STIM2: variants seen among roughly 807,000 people sequenced by gnomAD.
STIM2 encodes stromal interaction molecule 2.
In STIM2, 31 loss-of-function variants were observed where a neutral mutation model predicts 85.8. The ratio of observed to expected loss-of-function variants is 0.36; its 90% CI spans 0.27 to 0.49. The LOEUF (loss-of-function observed/expected upper bound fraction) is 0.49, where lower values mean the gene tolerates loss of function less well. Among genes scored for constraint, STIM2 ranks in the 20% least tolerant of loss-of-function variants. The pLI, the probability that STIM2 is intolerant of heterozygous loss-of-function variation, is 0.98. For missense variants in STIM2, 841 were observed against 927.6 expected, an observed-to-expected ratio of 0.91 and a Z score of 1.21; for synonymous variants, 356 against 331.1, an observed-to-expected ratio of 1.08 and a Z score of -0.82.
At chr4:26,910,724 A>G (rs1375297598) in intron 1 of STIM2, among the ~76,000 whole-genome samples, 3 of 152,186 alleles carry the variant, frequency 2.0e-5, no homozygotes, top group South Asian at 2.1e-4. Flanking sequence ...AATGAATTGC[A>G]TATTAATAAG....
chr4:26,873,882 C>T lies in STIM2; in HGVS notation c.151+12513C>T, dbSNP rs1265100079. ...ATCCGGGCAGAGAGGCAGTGATGCT[C>T]CTTCTCCCAGGGGTCTGCGGCTGAG... is the stretch of plus-strand genomic sequence containing the variant. On this transcript the variant is annotated intron_variant, in intron 1 of 11. Transcript: ENST00000467087. 6.1e-6 allele frequency: 8 copies of T among 1,310,200 alleles called. No homozygotes were observed. The African/African-American group carries it at 8.7e-5, about 14-fold the overall frequency. The allele number at this position is 1,310,200 out of a possible 1,614,324, so 81.2% of individuals were successfully genotyped here. A position where few individuals can be genotyped will look rare whatever the true frequency, so the allele number is the denominator to read the frequency against.
intron 2 of STIM2, among the ~76,000 whole-genome samples, chr4:26,936,237 T>C (rs533468602): frequency 6.6e-6 from 1 of 152,244 alleles, no homozygotes; most frequent in Non-Finnish European, 1.5e-5. Flanking sequence ...TTAGTACTTA[T>C]GTCCTTATGT....
chr4:26,877,605 A>T (rs548928785), intron 1 of STIM2, among the ~76,000 whole-genome samples: 2 of 151,294 alleles, frequency 1.3e-5, no homozygotes, highest in East Asian at 3.9e-4. Context: ...CCTCTGTCAC[A>T]CTGTTGGTAT....
chr4:26,908,707 C>CT (rs1291182242), intron 1 of STIM2, among the ~76,000 whole-genome samples: 6 of 152,202 alleles, frequency 3.9e-5, no homozygotes, highest in Non-Finnish European at 8.8e-5. Context: ...TGGTGTCGAA[C>CT]TTCTGACCTC....
At chr4:26,892,338 C>T (rs1484788441) in intron 1 of STIM2, among the ~76,000 whole-genome samples, 1 of 152,184 alleles carries the variant, frequency 6.6e-6, no homozygotes, top group Admixed American at 6.5e-5. Context: ...CTAGTGAGGG[C>T]ACTCTTCTGT....
chr4:26,941,741 A>G (rs1725618972), intron 2 of STIM2, among the ~76,000 whole-genome samples: 1 of 151,818 alleles, frequency 6.6e-6, no homozygotes, highest in Non-Finnish European at 1.5e-5. Flanking sequence ...AAAGGTAAGT[A>G]TCTTTTTAAT....
intron 3 of STIM2, among the ~76,000 whole-genome samples, chr4:26,974,333 G>A (rs1386160413): frequency 1.3e-5 from 2 of 152,194 alleles, no homozygotes; most frequent in African/African-American, 4.8e-5. Context: ...TAGCCTTGAT[G>A]GTCTTTACAA....
At chr4:26,937,781 A>G (rs1431234588) in intron 2 of STIM2, among the ~76,000 whole-genome samples, 2 of 152,130 alleles carry the variant, frequency 1.3e-5, no homozygotes, top group Non-Finnish European at 2.9e-5. Flanking sequence ...ACTTACCTTT[A>G]TCTTTGTCTT....
intron 3 of STIM2, among the ~76,000 whole-genome samples, chr4:26,983,439 G>A (rs989932231): frequency 2.0e-5 from 3 of 152,176 alleles, no homozygotes; most frequent in African/African-American, 7.2e-5. Flanking sequence ...GTTGGAAAAT[G>A]TTATATACCA....
intron 3 of STIM2, among the ~76,000 whole-genome samples, chr4:26,976,704 T>C (rs1374662078): frequency 1.3e-5 from 2 of 151,958 alleles, no homozygotes; most frequent in African/African-American, 4.8e-5. Flanking sequence ...CTCGAGAGGC[T>C]GAGGCACGAG....
rs1442021899 is a variant in STIM2, at chr4:27,023,005, A to G, written c.*9A>G. 1 of 1,604,216 alleles carries G rather than the reference A, an allele frequency of 6.2e-7. No individual in the cohort carries two copies. Among genetic ancestry groups the G allele is most frequent in the Non-Finnish European group, 8.5e-7 (1 of 1,177,550 alleles). On this transcript the variant is annotated 3_prime_UTR_variant, in exon 12 of 12. Coordinates refer to ENST00000467087, the MANE Select transcript of STIM2 (RefSeq NM_020860.4). ...AGAAGAAATCTAAGTGAACTGGCTG[A>G]CTTGATGGAATCATGTTCAAGTGGC...
At chr4:26,957,464 T>C in intron 2 of STIM2, 148 bp from the exon 3 acceptor site, 1 of 445,458 alleles carries the variant, frequency 2.2e-6, no homozygotes, top group Non-Finnish European at 4.0e-6. Context: ...TTTACAAACA[T>C]GTAAGAATAA....
In STIM2 at chr4:26,958,397, A is replaced by T. The variant is rs183728902; in HGVS notation, c.397+671A>T. Among the ~76,000 whole-genome samples the T allele has an allele frequency of 7.2e-5, 11 of 152,296 alleles. No individual in the cohort carries two copies. The East Asian group carries it at 1.7e-3, about 24-fold the overall frequency. On this transcript the variant is annotated intron_variant, in intron 3 of 11. Coordinates refer to ENST00000467087, the MANE Select transcript of STIM2 (RefSeq NM_020860.4). ...TTTCTAATGCTTCTGTTCTTTCATAAAAGTCAGCAATTATATTGTAAGCAT... is the reference window on the plus strand; with the variant it reads ...TTTCTAATGCTTCTGTTCTTTCATATAAGTCAGCAATTATATTGTAAGCAT...
At chr4:27,004,629 G>A (rs1728272852) in intron 7 of STIM2, among the ~76,000 whole-genome samples, 1 of 152,120 alleles carries the variant, frequency 6.6e-6, no homozygotes, top group African/African-American at 2.4e-5. Context: ...ATAAAAAAAG[G>A]GCCCAAGAAT....
chr4:26,996,936 T>A (rs1013701050), intron 4 of STIM2, among the ~76,000 whole-genome samples: 1 of 152,188 alleles, frequency 6.6e-6, no homozygotes, highest in Non-Finnish European at 1.5e-5. Flanking sequence ...TAAGTAAAGA[T>A]GATCAGAGAT....
chr4:26,888,396 T>C (rs1723337425), intron 1 of STIM2, among the ~76,000 whole-genome samples: 1 of 152,162 alleles, frequency 6.6e-6, no homozygotes, highest in Non-Finnish European at 1.5e-5. Context: ...AACTTAAATA[T>C]CATGATGTAA....
rs28850050 is a variant in STIM2 at position 26,971,527 on chromosome 4, C to A, written c.397+13801C>A. Among the ~76,000 whole-genome samples, 2 of 152,100 alleles carry A rather than the reference C, an allele frequency of 1.3e-5. 1 individual carries two copies. The highest frequency in any genetic ancestry group is 3.9e-4 in the East Asian group (2 of 5,194). On this transcript the variant is annotated intron_variant, in intron 3 of 11. Transcript: ENST00000467087. ...GCCTTTCTCCATTTCTTGTTTTTGT[C>A]AGGTTTGTCAAAGATCAGATGGTTG...
chr4:26,990,537 T>C (rs1162267192), intron 3 of STIM2, among the ~76,000 whole-genome samples: 1 of 152,108 alleles, frequency 6.6e-6, no homozygotes, highest in South Asian at 2.1e-4. Context: ...GACAAGAAGC[T>C]TTTTGGGTTA....
At chr4:26,930,046 AATAGGAT>A (rs1560210483) in intron 2 of STIM2, among the ~76,000 whole-genome samples, 1 of 152,172 alleles carries the variant, frequency 6.6e-6, no homozygotes, top group Non-Finnish European at 1.5e-5. Flanking sequence ...TCAGATCAGG[AATAGGAT>A]ATAAAGCTTT....
Sources: allele counts gnomAD v4.1 joint callset (sites outside exome capture counted in the v4.1 genomes callset), GRCh38; gene constraint gnomAD v4.1.1; transcripts MANE v1.5; gene names NCBI Gene and HGNC (gene_info 2026-07-23, HGNC 2026-07-21).